RAD52: variants seen among roughly 807,000 people sequenced by gnomAD.
RAD52 encodes the protein RAD52 DNA repair protein.
In RAD52, 47 loss-of-function variants were observed where a neutral mutation model predicts 55.5. That is an observed-to-expected ratio of 0.85 (90% CI 0.67 to 1.08). The LOEUF (loss-of-function observed/expected upper bound fraction) is 1.08, where lower values mean the gene tolerates loss of function less well. Ranked by LOEUF, RAD52 falls within the 50% of genes least tolerant of loss-of-function variation. The pLI, the probability that RAD52 is intolerant of heterozygous loss-of-function variation, is 0.00. For missense variants in RAD52, 468 were observed against 522.8 expected (o/e 0.90, Z 1.02); for synonymous variants, 184 against 198.9 (o/e 0.92, Z 0.63).
At chr12:971,314 T>C (rs1182273494) in intron 1 of RAD52, among the ~76,000 whole-genome samples, 1 of 152,064 alleles carries the variant, frequency 6.6e-6, no homozygotes, top group African/African-American at 2.4e-5. Flanking sequence ...GACATAGTCA[T>C]TGAGCCAGAA....
At chr12:934,528 G>A (rs1957514425) in intron 1 of RAD52, among the ~76,000 whole-genome samples, 2 of 151,388 alleles carry the variant, frequency 1.3e-5, no homozygotes, top group Admixed American at 1.3e-4. Flanking sequence ...TTAGACTTGG[G>A]TCCCCTTCCC....
intron 1 of RAD52, among the ~76,000 whole-genome samples, chr12:979,947 C>T (rs1470968807): frequency 2.6e-5 from 4 of 151,546 alleles, no homozygotes; most frequent in South Asian, 2.1e-4. Flanking sequence ...CTCGGGAGGC[C>T]GAGGCAGGAG....
At chr12:931,181 G>A in intron 3 of RAD52, 39 bp downstream of exon 3, 1 of 1,531,378 alleles carries the variant, frequency 6.5e-7, no homozygotes, top group South Asian at 1.1e-5. Context: ...GGAGTCTGCG[G>A]TATGGATGCC....
chr12:980,388 G>C (rs1958997796), intron 1 of RAD52, among the ~76,000 whole-genome samples: 1 of 151,452 alleles, frequency 6.6e-6, no homozygotes, highest in South Asian at 2.1e-4. Flanking sequence ...CTGCCTCCCG[G>C]GTTCAAGCTA....
intron 1 of RAD52, among the ~76,000 whole-genome samples, chr12:939,052 T>TTGTGTG (rs1555176185): frequency 0.14 from 19,184 of 141,034 alleles, 1,360 homozygotes; most frequent in Middle Eastern, 0.22. Flanking sequence ...ATTCAACTAA[T>TTGTGTG]TGTGTGTGTG....
Position 965,061 on chromosome 12 carries a change from C to G in RAD52, c.-19+24748G>C, listed in dbSNP as rs992065563. ...ATGGCGCCATCTTGGCTCACTGCAACCTCTGCCTCCTGGGTTCAAGCGATT... is the reference window on the plus strand; with the variant it reads ...ATGGCGCCATCTTGGCTCACTGCAAGCTCTGCCTCCTGGGTTCAAGCGATT... On this transcript the variant is annotated intron_variant, in intron 1 of 11. Coordinates refer to the RAD52 transcript ENST00000430095. Among the ~76,000 whole-genome samples the G allele has an allele frequency of 2.6e-5, 4 of 152,056 alleles. No homozygotes were observed. In the South Asian group the frequency reaches 6.2e-4, roughly 24 times the overall value.
chr12:962,637 G>T (rs964923666), intron 1 of RAD52, among the ~76,000 whole-genome samples: 2 of 151,986 alleles, frequency 1.3e-5, no homozygotes, highest in African/African-American at 2.4e-5. Flanking sequence ...GTGAGCCACT[G>T]CACCTGGCCC....
intron 1 of RAD52, among the ~76,000 whole-genome samples, chr12:982,418 G>A (rs1371217641): frequency 6.6e-6 from 1 of 152,152 alleles, no homozygotes; most frequent in Non-Finnish European, 1.5e-5. Context: ...ACCAAAAGAA[G>A]CTAGGCCATA....
At chr12:945,863 A>C (rs1958193131) in intron 1 of RAD52, among the ~76,000 whole-genome samples, 1 of 151,768 alleles carries the variant, frequency 6.6e-6, no homozygotes, top group Admixed American at 6.6e-5. Context: ...TCTCTACTAA[A>C]AATACAAAAA....
chr12:977,905 A>G (rs1016824368), intron 1 of RAD52, among the ~76,000 whole-genome samples: 4 of 119,226 alleles, frequency 3.4e-5, no homozygotes, highest in African/African-American at 1.2e-4. Flanking sequence ...TAAGCCCTTG[A>G]GCAAAGAAAT....
chr12:920,033 C>T lies in RAD52; in HGVS notation c.544-3213G>A, dbSNP rs1371447647. ...CACAATTGCACCCCAGCCTGGGCAA[C>T]AAGAGCAAAAACTCTGTCTCAAAAA... On this transcript the variant is annotated intron_variant, in intron 7 of 11. Coordinates refer to ENST00000358495, the MANE Select transcript of RAD52 (RefSeq NM_134424.4). Among the ~76,000 whole-genome samples the T allele has an allele frequency of 2.6e-4, 29 of 111,616 alleles. 4 individuals carry two copies. The highest frequency in any genetic ancestry group is 2.4e-3 in the Admixed American group (28 of 11,440). 73.2% of individuals were successfully genotyped at this position (111,616 alleles called of 152,430 possible).
intron 1 of RAD52, among the ~76,000 whole-genome samples, chr12:965,829 CATA>C (rs1958754676): frequency 1.3e-5 from 2 of 151,774 alleles, no homozygotes; most frequent in Admixed American, 1.3e-4. Context: ...TGGGATTACA[CATA>C]TGCACCACCA....
intron 1 of RAD52, among the ~76,000 whole-genome samples, chr12:933,748 T>C (rs991004384): frequency 6.6e-6 from 1 of 152,152 alleles, no homozygotes; most frequent in African/African-American, 2.4e-5. Context: ...AGGTGGAACA[T>C]TGCTAATCCA....
intron 1 of RAD52, among the ~76,000 whole-genome samples, chr12:979,470 C>A (rs1216289733): frequency 4.0e-5 from 6 of 151,840 alleles, no homozygotes; most frequent in Admixed American, 2.0e-4. Context: ...TAATTGAGGA[C>A]GTAAGAATGG....
chr12:935,380 CTTTTT>C (rs34383735), intron 1 of RAD52, among the ~76,000 whole-genome samples: 1 of 128,496 alleles, frequency 7.8e-6, no homozygotes, highest in Non-Finnish European at 1.7e-5. Context: ...ACCTGTGAAT[CTTTTT>C]TTTTTTTTTT....
At chr12:940,380 C>T (rs777466570) in intron 1 of RAD52, among the ~76,000 whole-genome samples, 8 of 152,048 alleles carry the variant, frequency 5.3e-5, no homozygotes, top group Non-Finnish European at 1.2e-4. Flanking sequence ...GGGCGGATCA[C>T]GAGGTCAAGA....
At chr12:937,244 C>A (rs1258914689) in intron 1 of RAD52, among the ~76,000 whole-genome samples, 1 of 152,166 alleles carries the variant, frequency 6.6e-6, no homozygotes, top group African/African-American at 2.4e-5. Context: ...TCAAAATGCA[C>A]CCTTGAACTG....
intron 1 of RAD52, among the ~76,000 whole-genome samples, chr12:970,916 TAGAG>T (rs202042008): frequency 2.7e-5 from 4 of 149,642 alleles, no homozygotes; most frequent in East Asian, 3.9e-4. Context: ...AATATATACG[TAGAG>T]AGAGAGAGAC....
chr12:960,234 T>C (rs1377628021), intron 1 of RAD52, among the ~76,000 whole-genome samples: 1 of 152,174 alleles, frequency 6.6e-6, no homozygotes, highest in African/African-American at 2.4e-5. Flanking sequence ...AGCTAGGAGC[T>C]GAGAGATGGT....
Sources: allele counts gnomAD v4.1 joint callset (sites outside exome capture counted in the v4.1 genomes callset), GRCh38; gene constraint gnomAD v4.1.1; transcripts MANE v1.5; gene names NCBI Gene and HGNC (gene_info 2026-07-23, HGNC 2026-07-21).